BASP1: variants seen among roughly 807,000 people sequenced by gnomAD.
BASP1 encodes brain abundant membrane attached signal protein 1.
In BASP1, 1 loss-of-function variant was observed where a neutral mutation model predicts 2.2. That is an observed-to-expected ratio of 0.46 (90% CI 0.16 to 2.17). The LOEUF is 2.17. BASP1 is among the 30% of genes most tolerant of loss of function. The probability of loss-of-function intolerance (pLI) is 0.27; values close to 1 mark genes in which losing one functional copy is unlikely to be tolerated. For missense variants in BASP1, 352 were observed against 327.2 expected, an observed-to-expected ratio of 1.08 and a Z score of -0.58; for synonymous variants, 187 against 154.2, an observed-to-expected ratio of 1.21 and a Z score of -1.58.
chr5:17,223,551 C>T (rs1389113664), intron 1 of BASP1, among the ~76,000 whole-genome samples: 1 of 152,192 alleles, frequency 6.6e-6, no homozygotes, highest in Non-Finnish European at 1.5e-5. Flanking sequence ...TAAGAATACG[C>T]TAAATACGTC....
intron 1 of BASP1, among the ~76,000 whole-genome samples, chr5:17,243,501 T>G (rs546836959): frequency 1.3e-5 from 2 of 152,166 alleles, no homozygotes; most frequent in Non-Finnish European, 2.9e-5. Flanking sequence ...CTTGACACTA[T>G]TGATGTCTGC....
In BASP1 at chr5:17,269,440, C is replaced by A. The variant is rs370066167; in HGVS notation, c.-9-5768C>A. 8.5e-5 allele frequency among the ~76,000 whole-genome samples: 13 copies of A among 152,286 alleles called. 1 individual carries two copies. Among genetic ancestry groups the A allele is most frequent in the Non-Finnish European group, 1.6e-4 (11 of 68,024 alleles). On this transcript the variant is annotated intron_variant, in intron 1 of 1. Transcript: ENST00000322611. ...AGGCTGGTGTGATGAATAATCACTT[C>A]CAACCCTCCCTCTGACCTTTTCAGG...
At position 17,224,243 on chromosome 5, in the gene BASP1, C is replaced by G. The variant is rs140688946; in HGVS notation, c.-10+6433C>G. ...TGGGTAAATTGTTGTTTAACAGCTT[C>G]CTTAAACAGGTTTTTGTATCTTACG... On this transcript the variant is annotated intron_variant, in intron 1 of 1. Coordinates refer to ENST00000322611, the MANE Select transcript of BASP1 (RefSeq NM_006317.5). 7.5e-3 allele frequency among the ~76,000 whole-genome samples: 1,135 copies of G among 152,208 alleles called. 12 individuals are homozygous for G. The highest frequency in any genetic ancestry group is 0.012 in the Non-Finnish European group (812 of 68,012).
At chr5:17,265,068 C>T (rs994828273) in intron 1 of BASP1, among the ~76,000 whole-genome samples, 3 of 152,160 alleles carry the variant, frequency 2.0e-5, no homozygotes, top group African/African-American at 4.8e-5. Flanking sequence ...TATTACATTA[C>T]AGAACCATGG....
At chr5:17,252,002 C>T (rs1740110448) in intron 1 of BASP1, among the ~76,000 whole-genome samples, 1 of 152,082 alleles carries the variant, frequency 6.6e-6, no homozygotes, top group South Asian at 2.1e-4. Flanking sequence ...CTGGATGGGT[C>T]TCCCAGCAAG....
chr5:17,235,453 G>A (rs371538355), intron 1 of BASP1, among the ~76,000 whole-genome samples: 1 of 151,772 alleles, frequency 6.6e-6, no homozygotes, highest in Non-Finnish European at 1.5e-5. Flanking sequence ...TAGTAGAGAC[G>A]GGGTTTCACC....
At chr5:17,234,981 T>G (rs985711642) in intron 1 of BASP1, among the ~76,000 whole-genome samples, 11 of 152,284 alleles carry the variant, frequency 7.2e-5, no homozygotes, top group African/African-American at 2.6e-4. Flanking sequence ...AAGGTCTTAA[T>G]CACTAGATAG....
intron 1 of BASP1, among the ~76,000 whole-genome samples, chr5:17,264,894 A>G (rs1740387562): frequency 6.6e-6 from 1 of 152,212 alleles, no homozygotes; most frequent in Non-Finnish European, 1.5e-5. Context: ...TATGATTCAA[A>G]CTGCCCTATA....
intron 1 of BASP1, among the ~76,000 whole-genome samples, chr5:17,263,646 G>C (rs766646416): frequency 3.9e-5 from 6 of 152,042 alleles, no homozygotes; most frequent in Non-Finnish European, 7.4e-5. Flanking sequence ...TTCTGACTTT[G>C]TAGATCCAAC....
At chr5:17,264,483 C>T (rs1488758744) in intron 1 of BASP1, among the ~76,000 whole-genome samples, 3 of 152,180 alleles carry the variant, frequency 2.0e-5, no homozygotes, top group Non-Finnish European at 4.4e-5. Context: ...ACCTTTGCAG[C>T]TCTGAATTAG....
chr5:17,235,054 A>C (rs966991242), intron 1 of BASP1, among the ~76,000 whole-genome samples: 3 of 152,206 alleles, frequency 2.0e-5, no homozygotes, highest in African/African-American at 7.2e-5. Flanking sequence ...TAGAAACTGA[A>C]GGAAAAGATT....
At chr5:17,261,179 A>G (rs933790847) in intron 1 of BASP1, among the ~76,000 whole-genome samples, 2 of 152,340 alleles carry the variant, frequency 1.3e-5, no homozygotes, top group Admixed American at 1.3e-4. Context: ...GTTTTTTTAC[A>G]TTTATGTAGG....
chr5:17,231,157 A>C (rs1269731412), intron 1 of BASP1, among the ~76,000 whole-genome samples: 1 of 152,226 alleles, frequency 6.6e-6, no homozygotes, highest in Non-Finnish European at 1.5e-5. Flanking sequence ...AGAATTTAAA[A>C]ATTTTAACTC....
intron 1 of BASP1, among the ~76,000 whole-genome samples, chr5:17,268,979 A>G (rs993097799): frequency 7.2e-4 from 109 of 152,316 alleles, no homozygotes; most frequent in Non-Finnish European, 1.3e-3. Context: ...TTTGCTTTGG[A>G]GGAAGAATTA....
intron 1 of BASP1, among the ~76,000 whole-genome samples, chr5:17,231,456 C>T (rs891826880): frequency 6.6e-6 from 1 of 152,134 alleles, no homozygotes; most frequent in Admixed American, 6.6e-5. Context: ...CCTAACTCTC[C>T]ATTAAACCTG....
chr5:17,238,819 G>A (rs1215676207), intron 1 of BASP1, among the ~76,000 whole-genome samples: 1 of 152,146 alleles, frequency 6.6e-6, no homozygotes, highest in East Asian at 1.9e-4. Context: ...AGAATGTGTG[G>A]AATGTTCTTT....
chr5:17,246,270 AG>A (rs1437696200), intron 1 of BASP1, among the ~76,000 whole-genome samples: 2 of 152,048 alleles, frequency 1.3e-5, no homozygotes, highest in African/African-American at 4.8e-5. Flanking sequence ...TCATAAGGTC[AG>A]GAGTTCGAGG....
chr5:17,222,773 A>G (rs1433503032), intron 1 of BASP1, among the ~76,000 whole-genome samples: 2 of 152,190 alleles, frequency 1.3e-5, no homozygotes, highest in Non-Finnish European at 2.9e-5. Flanking sequence ...TTGAACAAAA[A>G]TAGGGAAAGC....
intron 1 of BASP1, among the ~76,000 whole-genome samples, chr5:17,261,626 G>A (rs1001206312): frequency 2.0e-5 from 3 of 152,082 alleles, no homozygotes; most frequent in South Asian, 4.1e-4. Flanking sequence ...CCCCCCCACC[G>A]TCTGCATAAC....
Sources: gnomAD v4.1 joint callset for allele counts (sites outside exome capture counted in the v4.1 genomes callset) on GRCh38, gnomAD v4.1.1 for gene constraint, MANE v1.5 for transcripts, NCBI Gene and HGNC (gene_info 2026-07-23, HGNC 2026-07-21) for gene names.